CPNE8: variants seen among roughly 807,000 people sequenced by gnomAD.
CPNE8 encodes copine-8.
Under a neutral mutation model 81.5 loss-of-function variants are expected in CPNE8, and 45 were observed. The observed-to-expected ratio is 0.55, with a 90% CI of 0.44 to 0.71. CPNE8 has a LOEUF of 0.71. CPNE8 is among the 30% of genes least tolerant of loss of function. The probability of loss-of-function intolerance (pLI) is 0.00; values close to 1 mark genes in which losing one functional copy is unlikely to be tolerated. For missense variants in CPNE8, 594 were observed against 672.1 expected (o/e 0.88, Z 1.28); for synonymous variants, 252 against 226.3 (o/e 1.11, Z -1.02).
chr12:38,872,846 A>G (rs968593646), intron 3 of CPNE8, among the ~76,000 whole-genome samples, 158 bp downstream of exon 3: 1 of 152,226 alleles, frequency 6.6e-6, no homozygotes, highest in Admixed American at 6.5e-5. Flanking sequence ...CACTGTTATT[A>G]AAAACAAAAC....
intron 6 of CPNE8, among the ~76,000 whole-genome samples, chr12:38,792,225 A>G (rs1432433159): frequency 6.6e-6 from 1 of 151,360 alleles, no homozygotes; most frequent in African/African-American, 2.4e-5. Flanking sequence ...AGGTAGGAGT[A>G]ATAAAATTTA....
chr12:38,687,374 CTT>C (rs61259310), intron 15 of CPNE8, among the ~76,000 whole-genome samples: 3 of 58,670 alleles, frequency 5.1e-5, no homozygotes, highest in Admixed American at 2.1e-4. Context: ...CCAAGACTTT[CTT>C]TTTTTTTTTT....
rs200415967 is a variant in CPNE8 at position 38,769,960 on chromosome 12, T to C, written c.472-2222A>G. Among the ~76,000 whole-genome samples the C allele has an allele frequency of 2.1e-4, 32 of 152,322 alleles. No individual in the cohort carries two copies. The East Asian group carries it at 6.0e-3, about 28-fold the overall frequency. ...TAACAACTTAGCAGGGATTAAATGG[T>C]ACATTTGTATTAAGCACAAAATACA... On this transcript the variant is annotated intron_variant, in intron 7 of 19. Transcript: ENST00000331366.
chr12:38,747,243 GCCTATTCT>G (rs1211871439), intron 10 of CPNE8, among the ~76,000 whole-genome samples: 4 of 152,170 alleles, frequency 2.6e-5, no homozygotes, highest in Non-Finnish European at 5.9e-5. Context: ...TAATGTCACT[GCCTATTCT>G]CCATTTTGTG....
rs551494393 is a variant in CPNE8, at chr12:38,765,071, G to C, written c.575+2564C>G. On this transcript the variant is annotated intron_variant, in intron 8 of 19. Coordinates refer to ENST00000331366, the MANE Select transcript of CPNE8 (RefSeq NM_153634.3). ...CTTGAAACATTTCCTCTGAGGGAAG[G>C]CATGTCCTTCTTACTGAGATATTTA... Among the ~76,000 whole-genome samples, 337 of 152,270 alleles carry C rather than the reference G, an allele frequency of 2.2e-3. 2 individuals carry two copies. Among genetic ancestry groups the C allele is most frequent in the Non-Finnish European group, 4.0e-3 (274 of 68,022 alleles).
At chr12:38,795,867 G>GGATAGATGGATA (rs1555160628) in intron 6 of CPNE8, among the ~76,000 whole-genome samples, 3 of 148,134 alleles carry the variant, frequency 2.0e-5, no homozygotes, top group Non-Finnish European at 4.4e-5. Flanking sequence ...ATGGATGGAT[G>GGATAGATGGATA]GATAGATAGA....
intron 14 of CPNE8, among the ~76,000 whole-genome samples, chr12:38,698,627 T>C (rs138359218): frequency 4.2e-4 from 64 of 152,342 alleles, no homozygotes; most frequent in Non-Finnish European, 5.0e-4. Context: ...GGCTATCCAG[T>C]TGTCCCAGCA....
intron 6 of CPNE8, among the ~76,000 whole-genome samples, chr12:38,797,742 A>C (rs1592098807): frequency 6.6e-6 from 1 of 152,260 alleles, no homozygotes; most frequent in East Asian, 1.9e-4. Context: ...CAGAAGATCA[A>C]ACTACTCCGA....
At chr12:38,730,209 G>T in intron 11 of CPNE8, 74 bp downstream of exon 11, 2 of 913,432 alleles carry the variant, frequency 2.2e-6, no homozygotes, top group Non-Finnish European at 1.8e-6. Context: ...ATTATGCTTT[G>T]CAGAATCCAC....
intron 1 of CPNE8, among the ~76,000 whole-genome samples, chr12:38,897,747 G>T (rs993132704): frequency 6.6e-6 from 1 of 151,818 alleles, no homozygotes; most frequent in Non-Finnish European, 1.5e-5. Flanking sequence ...GAACTCATTT[G>T]CTCATAGTTT....
intron 6 of CPNE8, among the ~76,000 whole-genome samples, chr12:38,816,206 T>C (rs1297127079): frequency 6.6e-6 from 1 of 152,174 alleles, no homozygotes; most frequent in African/African-American, 2.4e-5. Flanking sequence ...GCAGGAGAGA[T>C]ACTTAAAATA....
At chr12:38,730,050 A>T (rs954120353) in intron 11 of CPNE8, among the ~76,000 whole-genome samples, 2 of 152,102 alleles carry the variant, frequency 1.3e-5, no homozygotes, top group South Asian at 4.1e-4. Context: ...TTATATCCAT[A>T]TTTTTAAAGT....
chr12:38,786,836 C>T (rs574444954), intron 6 of CPNE8, among the ~76,000 whole-genome samples: 3 of 152,068 alleles, frequency 2.0e-5, no homozygotes, highest in Non-Finnish European at 4.4e-5. Context: ...CTTGCAGATA[C>T]ATAAAACAAA....
chr12:38,677,447 C>A lies in CPNE8; in HGVS notation c.1374+5G>T. ...CGAGCCCAATACGGAGTGACCCCCA[C>A]TTACATTAACTATGGACTCCTTAGT... On this transcript the variant is annotated splice_donor_5th_base_variant and intron_variant, in intron 17 of 19. Transcript: ENST00000331366. 3.2e-6 allele frequency: 5 copies of A among 1,551,134 alleles called. No homozygotes were observed. Among genetic ancestry groups the A allele is most frequent in the Non-Finnish European group, 3.6e-6 (4 of 1,123,236 alleles).
chr12:38,693,896 A>G (rs1166026941), intron 14 of CPNE8, 58 bp from the exon 15 acceptor site: 2 of 1,398,430 alleles, frequency 1.4e-6, no homozygotes, highest in Non-Finnish European at 1.9e-6. Flanking sequence ...ATTTAACAAA[A>G]TTTTTCTTGG....
At chr12:38,757,952 A>G (rs1941494920) in intron 10 of CPNE8, among the ~76,000 whole-genome samples, 1 of 152,096 alleles carries the variant, frequency 6.6e-6, no homozygotes, top group African/African-American at 2.4e-5. Context: ...TGAGTATTTA[A>G]AAATGCATTA....
At chr12:38,796,888 G>T (rs910470937) in intron 6 of CPNE8, among the ~76,000 whole-genome samples, 1 of 152,192 alleles carries the variant, frequency 6.6e-6, no homozygotes, top group Admixed American at 6.5e-5. Context: ...CGCACCAGGA[G>T]ATTATATCCC....
intron 10 of CPNE8, among the ~76,000 whole-genome samples, chr12:38,741,907 A>T (rs1447432557): frequency 6.6e-6 from 1 of 152,258 alleles, no homozygotes; most frequent in Non-Finnish European, 1.5e-5. Context: ...TATGCAGCCA[A>T]CAGACACATG....
intron 10 of CPNE8, among the ~76,000 whole-genome samples, chr12:38,744,950 G>A (rs763425251): frequency 3.3e-5 from 5 of 152,096 alleles, no homozygotes; most frequent in Non-Finnish European, 7.3e-5. Flanking sequence ...TTGAACTAGT[G>A]CTTGCACTTC....
Sources: gnomAD v4.1 joint callset for allele counts (sites outside exome capture counted in the v4.1 genomes callset) on GRCh38, gnomAD v4.1.1 for gene constraint, MANE v1.5 for transcripts, NCBI Gene and HGNC (gene_info 2026-07-23, HGNC 2026-07-21) for gene names.